MEI4: variants seen among roughly 807,000 people sequenced by gnomAD.
The protein encoded by MEI4 is meiosis-specific protein MEI4.
In MEI4, 27 loss-of-function variants were observed where a neutral mutation model predicts 31.4. The ratio of observed to expected loss-of-function variants is 0.86; its 90% confidence interval spans 0.63 to 1.19. The LOEUF (loss-of-function observed/expected upper bound fraction) is 1.19. MEI4 is among the 50% of genes most tolerant of loss of function. The probability of loss-of-function intolerance (pLI) is 0.00; values close to 1 mark genes in which losing one functional copy is unlikely to be tolerated. For missense variants in MEI4, 329 were observed against 398.9 expected (o/e 0.82, Z 1.49); for synonymous variants, 122 against 145.4 (o/e 0.84, Z 1.16).
intron 4 of MEI4, among the ~76,000 whole-genome samples, chr6:77,864,825 G>A (rs924179110): frequency 1.3e-5 from 2 of 151,228 alleles, no homozygotes; most frequent in East Asian, 1.9e-4. Context: ...GACCACATAG[G>A]TGGAAGTAAA....
At chr6:77,860,603 G>A (rs1304407913) in intron 4 of MEI4, among the ~76,000 whole-genome samples, 1 of 152,040 alleles carries the variant, frequency 6.6e-6, no homozygotes, top group East Asian at 1.9e-4. Context: ...TCAAACCACT[G>A]ATAAAATGAG....
chr6:77,692,254 T>A (rs553890093), intron 2 of MEI4, among the ~76,000 whole-genome samples: 1 of 152,222 alleles, frequency 6.6e-6, no homozygotes, highest in South Asian at 2.1e-4. Context: ...ACTCCTCTAG[T>A]GGACCCCCAC....
intron 4 of MEI4, among the ~76,000 whole-genome samples, chr6:77,868,808 A>T (rs1334905095): frequency 6.6e-6 from 1 of 152,028 alleles, no homozygotes. Context: ...GTAGGTATTA[A>T]TTCACCTTTA....
At chr6:77,754,625 T>C (rs1187695752) in intron 2 of MEI4, among the ~76,000 whole-genome samples, 6 of 152,222 alleles carry the variant, frequency 3.9e-5, no homozygotes, top group Non-Finnish European at 7.3e-5. Flanking sequence ...CAGTACCAAT[T>C]TCTTGTATTA....
At chr6:77,874,817 AG>A (rs1771290762) in intron 4 of MEI4, among the ~76,000 whole-genome samples, 1 of 152,092 alleles carries the variant, frequency 6.6e-6, no homozygotes, top group Admixed American at 6.6e-5. Flanking sequence ...TAGCATGAAG[AG>A]TTGTTGAATT....
intron 2 of MEI4, among the ~76,000 whole-genome samples, chr6:77,698,287 T>G (rs139349149): frequency 0.058 from 8,824 of 152,278 alleles, 362 homozygotes; most frequent in East Asian, 0.13. Flanking sequence ...AATATTGTTA[T>G]GTGTGAATTT....
At chr6:77,872,791 T>C (rs1304165291) in intron 4 of MEI4, among the ~76,000 whole-genome samples, 1 of 142,680 alleles carries the variant, frequency 7.0e-6, no homozygotes, top group Non-Finnish European at 1.5e-5. Context: ...CCATGTGTTC[T>C]CATTGTTCAA....
chr6:77,666,684 C>A (rs1412669447), intron 1 of MEI4, among the ~76,000 whole-genome samples: 2 of 152,046 alleles, frequency 1.3e-5, no homozygotes, highest in Non-Finnish European at 2.9e-5. Flanking sequence ...CTCTTCTAGC[C>A]GTTATGTTAG....
intron 4 of MEI4, among the ~76,000 whole-genome samples, chr6:77,920,334 G>C (rs1581983561): frequency 6.6e-6 from 1 of 152,030 alleles, no homozygotes; most frequent in East Asian, 1.9e-4. Flanking sequence ...GGGATGCAAG[G>C]CTGTTTCAAT....
chr6:77,720,654 C>T (rs1348809045), intron 2 of MEI4, among the ~76,000 whole-genome samples: 4 of 118,418 alleles, frequency 3.4e-5, no homozygotes, highest in Non-Finnish European at 5.3e-5. Context: ...TATCTTTTGC[C>T]TGTTTCCATG....
intron 2 of MEI4, among the ~76,000 whole-genome samples, chr6:77,710,049 C>T (rs1766423295): frequency 6.6e-6 from 1 of 152,134 alleles, no homozygotes; most frequent in Non-Finnish European, 1.5e-5. Context: ...GGCATGTGTG[C>T]CTCAGTGATT....
chr6:77,655,101 T>A (rs143490578), intron 1 of MEI4, among the ~76,000 whole-genome samples: 112 of 152,216 alleles, frequency 7.4e-4, no homozygotes, highest in African/African-American at 2.7e-3. Flanking sequence ...TTCCCCTCCC[T>A]GTGTCCATGT....
intron 3 of MEI4, among the ~76,000 whole-genome samples, chr6:77,767,003 C>G (rs768162849): frequency 1.2e-4 from 19 of 152,082 alleles, no homozygotes; most frequent in Non-Finnish European, 2.6e-4. Flanking sequence ...TACTTAACCA[C>G]TCTGCTTTGA....
At chr6:77,737,164 A>G (rs1450308945) in intron 2 of MEI4, among the ~76,000 whole-genome samples, 1 of 152,212 alleles carries the variant, frequency 6.6e-6, no homozygotes, top group Non-Finnish European at 1.5e-5. Flanking sequence ...GGGAAACTTA[A>G]TATTTATTGA....
At chr6:77,777,156 A>G (rs1426340486) in intron 3 of MEI4, among the ~76,000 whole-genome samples, 2 of 152,222 alleles carry the variant, frequency 1.3e-5, no homozygotes, top group Non-Finnish European at 2.9e-5. Context: ...AAAAGGCACA[A>G]ACATATGGAG....
intron 4 of MEI4, among the ~76,000 whole-genome samples, chr6:77,858,298 T>C (rs774440135): frequency 6.6e-6 from 1 of 152,182 alleles, no homozygotes; most frequent in Non-Finnish European, 1.5e-5. Flanking sequence ...TGTCACCTAA[T>C]AGATGTACCT....
chr6:77,900,606 A>T (rs144121605), intron 4 of MEI4, among the ~76,000 whole-genome samples: 3 of 151,970 alleles, frequency 2.0e-5, no homozygotes, highest in African/African-American at 7.2e-5. Context: ...CAATGAATAC[A>T]TGGCATCTGT....
At chr6:77,798,368 T>G (rs1769141517) in intron 3 of MEI4, among the ~76,000 whole-genome samples, 1 of 151,536 alleles carries the variant, frequency 6.6e-6, no homozygotes, top group South Asian at 2.1e-4. Context: ...GTATTAATAT[T>G]AATAATTAAA....
chr6:77,805,648 G>T (rs1047957957), intron 3 of MEI4, among the ~76,000 whole-genome samples: 2 of 151,964 alleles, frequency 1.3e-5, no homozygotes, highest in Non-Finnish European at 2.9e-5. Flanking sequence ...TTGTAAATAA[G>T]CTTCAAACAC....
Sources: gnomAD v4.1 joint callset for allele counts (sites outside exome capture counted in the v4.1 genomes callset) on GRCh38, gnomAD v4.1.1 for gene constraint, MANE v1.5 for transcripts, NCBI Gene and HGNC (gene_info 2026-07-23, HGNC 2026-07-21) for gene names.